DSCAM: variants seen among roughly 807,000 people sequenced by gnomAD.
DSCAM encodes the protein cell adhesion molecule DSCAM.
DSCAM carries 47 observed loss-of-function variants against 217.7 expected under a neutral mutation model. That is an observed-to-expected ratio of 0.22 (90% CI 0.17 to 0.28). DSCAM has a LOEUF of 0.28. DSCAM is among the 10% of genes least tolerant of loss of function. DSCAM has a pLI of 1.00. For synonymous variants in DSCAM, 1,056 were observed against 1,015.3 expected, an observed-to-expected ratio of 1.04 and a Z score of -0.76; for missense variants, 2,080 against 2,618.3, an observed-to-expected ratio of 0.79 and a Z score of 4.49.
intron 3 of DSCAM, among the ~76,000 whole-genome samples, chr21:40,539,172 C>G (rs935731850): frequency 2.6e-5 from 4 of 152,230 alleles, no homozygotes; most frequent in East Asian, 1.9e-4. Context: ...ATGTCCACAC[C>G]GGGTCCACCA....
At chr21:40,118,756 G>C (rs1056404982) in intron 20 of DSCAM, among the ~76,000 whole-genome samples, 3 of 152,168 alleles carry the variant, frequency 2.0e-5, no homozygotes, top group African/African-American at 2.4e-5. Flanking sequence ...AACCATCTCT[G>C]GCCGTATGTT....
chr21:40,208,377 C>T (rs981560926), intron 11 of DSCAM, among the ~76,000 whole-genome samples: 1 of 152,286 alleles, frequency 6.6e-6, no homozygotes. Flanking sequence ...TAGCTCGAGC[C>T]TGGGAAGCAG....
chr21:40,413,903 GA>G (rs547603077), intron 3 of DSCAM, among the ~76,000 whole-genome samples: 4 of 151,814 alleles, frequency 2.6e-5, no homozygotes, highest in Admixed American at 1.3e-4. Flanking sequence ...ATACATAGGG[GA>G]AAAAAAACTA....
At chr21:40,225,000 A>G (rs149764418) in intron 11 of DSCAM, among the ~76,000 whole-genome samples, 5 of 152,314 alleles carry the variant, frequency 3.3e-5, no homozygotes, top group Non-Finnish European at 7.3e-5. Flanking sequence ...CTTTTCAAGG[A>G]GGTACTGTGC....
intron 3 of DSCAM, among the ~76,000 whole-genome samples, chr21:40,426,859 C>T (rs1274066276): frequency 1.3e-5 from 2 of 152,152 alleles, no homozygotes; most frequent in East Asian, 3.9e-4. Context: ...CAAGCCCAAA[C>T]CGTCATCTTG....
chr21:40,013,308 A>T lies in DSCAM; in HGVS notation c.5765T>A (p.Leu1922Gln), dbSNP rs754314789. ...TTCCAAGCATGCTTGTCCTAAGCTCAGGTCCCTGCTGGTGCCTGGACCACC... is the reference window on the plus strand; with the variant it reads ...TTCCAAGCATGCTTGTCCTAAGCTCTGGTCCCTGCTGGTGCCTGGACCACC... The part of the protein sequence containing the change: ...NRGGPGTSRD[L>Q]SLGQACLEPQ... Residue 1922 changes from leucine to glutamine, a missense_variant, in exon 33 of 33, where the codon CTG becomes CAG. Physicochemically the swap from Leu to Gln is moderately radical, Grantham distance 113. This residue lies in a region of DSCAM where 145 missense variants were observed against 138.5 expected (regional missense o/e 1.05). Coordinates refer to ENST00000400454, the MANE Select transcript of DSCAM (RefSeq NM_001389.5). 1.2e-6 allele frequency: 2 copies of T among 1,612,144 alleles called. No individual in the cohort carries two copies. The highest frequency in any genetic ancestry group is 1.7e-6 in the Non-Finnish European group (2 of 1,179,114).
intron 3 of DSCAM, among the ~76,000 whole-genome samples, chr21:40,572,087 T>TGG (rs2076811575): frequency 1.1e-4 from 1 of 9,370 alleles, no homozygotes; most frequent in South Asian, 3.8e-3. Flanking sequence ...TGTGTGTGGG[T>TGG]GTGTGTGTGT....
At chr21:40,347,637 T>C in intron 6 of DSCAM, 33 bp downstream of exon 6, 1 of 1,611,164 alleles carries the variant, frequency 6.2e-7, no homozygotes, top group Non-Finnish European at 8.5e-7. Context: ...TTGGGTTCTT[T>C]TTCAGCCATA....
At chr21:40,612,980 A>G (rs1339107357) in intron 3 of DSCAM, among the ~76,000 whole-genome samples, 1 of 152,072 alleles carries the variant, frequency 6.6e-6, no homozygotes, top group Non-Finnish European at 1.5e-5. Flanking sequence ...TGTCTTTCCC[A>G]TATGTTTTCA....
intron 5 of DSCAM, among the ~76,000 whole-genome samples, chr21:40,349,188 T>C (rs2074602309): frequency 7.4e-6 from 1 of 134,358 alleles, no homozygotes; most frequent in Non-Finnish European, 1.6e-5. Flanking sequence ...AATAGTGACC[T>C]AAGTATTGAT....
At chr21:40,575,211 C>CT (rs1213374276) in intron 3 of DSCAM, among the ~76,000 whole-genome samples, 3 of 50,114 alleles carry the variant, frequency 6.0e-5, no homozygotes, top group East Asian at 6.8e-4. Context: ...CACCCTGTGA[C>CT]CCCCACTCCG....
At chr21:40,324,972 A>G (rs529263795) in intron 8 of DSCAM, among the ~76,000 whole-genome samples, 49 of 152,340 alleles carry the variant, frequency 3.2e-4, no homozygotes, top group African/African-American at 1.2e-3. Flanking sequence ...AACAAAAGTA[A>G]ACAAGATTCA....
intron 1 of DSCAM, 66 bp from the exon 2 acceptor site, chr21:40,708,837 G>T (rs1164928093): frequency 1.7e-6 from 2 of 1,181,382 alleles, no homozygotes; most frequent in African/African-American, 3.1e-5. Context: ...GCAGTTCAAT[G>T]TCTGGCCTCA....
At chr21:40,282,959 C>T (rs1167179327) in intron 10 of DSCAM, among the ~76,000 whole-genome samples, 8 of 152,098 alleles carry the variant, frequency 5.3e-5, no homozygotes, top group African/African-American at 1.9e-4. Context: ...TTTAAGAAAA[C>T]ATTAAATCTT....
At chr21:40,551,481 A>T (rs554442639) in intron 3 of DSCAM, among the ~76,000 whole-genome samples, 14 of 152,166 alleles carry the variant, frequency 9.2e-5, no homozygotes, top group Admixed American at 8.5e-4. Flanking sequence ...TAGAGACAAT[A>T]GATAGCAAAT....
chr21:40,131,577 C>T (rs1349729714), intron 19 of DSCAM, among the ~76,000 whole-genome samples: 2 of 152,172 alleles, frequency 1.3e-5, no homozygotes, highest in African/African-American at 4.8e-5. Flanking sequence ...AGGTGCCCAC[C>T]ACCACACCTG....
intron 9 of DSCAM, among the ~76,000 whole-genome samples, chr21:40,298,986 A>AC (rs970500682): frequency 6.6e-5 from 10 of 152,200 alleles, no homozygotes; most frequent in African/African-American, 2.4e-4. Flanking sequence ...TAGAATAATT[A>AC]CCCCGTATCA....
At chr21:40,346,640 G>A (rs1011936935) in intron 6 of DSCAM, among the ~76,000 whole-genome samples, 1 of 152,042 alleles carries the variant, frequency 6.6e-6, no homozygotes, top group African/African-American at 2.4e-5. Context: ...CTGGCTGACT[G>A]ATAAGCTTTA....
intron 3 of DSCAM, among the ~76,000 whole-genome samples, chr21:40,506,746 A>G (rs2076213151): frequency 6.6e-6 from 1 of 152,256 alleles, no homozygotes; most frequent in African/African-American, 2.4e-5. Context: ...AAGCGTTTTT[A>G]AAACTGTTAC....
Sources: allele counts gnomAD v4.1 joint callset (sites outside exome capture counted in the v4.1 genomes callset), GRCh38; gene constraint gnomAD v4.1.1; regional missense constraint gnomAD v4.1.1; transcripts MANE v1.5; gene names NCBI Gene and HGNC (gene_info 2026-07-23, HGNC 2026-07-21).